Variants in ANKRD36B observed in about 807,000 individuals in gnomAD.
ANKRD36B encodes the protein ankyrin repeat domain-containing protein 36B.
A neutral mutation model predicts 135.7 loss-of-function variants in ANKRD36B; 37 were observed. That is an observed-to-expected ratio of 0.27 (90% CI 0.21 to 0.36). The LOEUF (loss-of-function observed/expected upper bound fraction) is 0.36, where lower values mean the gene tolerates loss of function less well. Ranked by LOEUF, ANKRD36B falls within the 10% of genes least tolerant of loss-of-function variation. ANKRD36B has a pLI of 1.00. For synonymous variants in ANKRD36B, 179 were observed against 348.1 expected (o/e 0.51, Z 5.41); for missense variants, 549 against 1,037.1 (o/e 0.53, Z 6.46).
intron 8 of ANKRD36B, 101 bp from the exon 9 acceptor site, chr2:97,559,095 T>C (rs370908039): frequency 2.7e-6 from 4 of 1,508,378 alleles, no homozygotes; most frequent in Non-Finnish European, 3.6e-6. Context: ...TTCCTGCCTG[T>C]ACTAGTGTAG....
chr2:97,551,586 C>G, intron 16 of ANKRD36B, 106 bp from the exon 17 acceptor site: 1 of 1,552,172 alleles, frequency 6.4e-7, no homozygotes, highest in Non-Finnish European at 8.8e-7. Flanking sequence ...CCTGTATTAG[C>G]GTAGGTTTTG....
Position 97,558,790 on chromosome 2 carries a change from C to A in ANKRD36B, c.967+9G>T, listed in dbSNP as rs1553535406. The A allele has an allele frequency of 1.2e-5, 19 of 1,611,040 alleles. No homozygotes were observed. The highest frequency in any genetic ancestry group is 1.7e-6 in the Non-Finnish European group (2 of 1,178,550). ...TGAACATGACATTAAATGTGTTTTG[C>A]AAAATTACCTGTCCCAGATTGTTGT... On this transcript the variant is annotated intron_variant, in intron 10 of 43. Coordinates refer to ENST00000359901, the MANE Select transcript of ANKRD36B (RefSeq NM_001393939.1).
In ANKRD36B at chr2:97,496,787, T is replaced by TTG. The variant is rs1439074936; in HGVS notation, c.*7-3934_*7-3933dup. 5.0e-4 allele frequency among the ~76,000 whole-genome samples: 40 copies of TTG among 80,172 alleles called. 4 individuals are homozygous for TTG. The highest frequency in any genetic ancestry group is 2.6e-3 in the Admixed American group (26 of 9,928). 52.6% of individuals were successfully genotyped at this position (80,172 alleles called of 152,430 possible). A position where few individuals can be genotyped will look rare whatever the true frequency, so the allele number is the denominator to read the frequency against. On this transcript the variant is annotated intron_variant, in intron 43 of 43. Transcript: ENST00000359901. ...CCAGAAAACGTGTGTGTGTGTGTGT[T>TTG]TGTGTGTGTGTATACGTGTATGTGT...
chr2:97,578,591 A>G (rs577791580), intron 5 of ANKRD36B, among the ~76,000 whole-genome samples: 12 of 152,190 alleles, frequency 7.9e-5, no homozygotes, highest in African/African-American at 2.6e-4. Flanking sequence ...GAAAAATCAA[A>G]GATGTGAAAC....
intron 1 of ANKRD36B, 141 bp from the exon 2 acceptor site, chr2:97,585,539 T>A: frequency 1.5e-6 from 2 of 1,311,206 alleles, no homozygotes; most frequent in Non-Finnish European, 2.1e-6. Context: ...ACCACATTAA[T>A]GAAAGAGCAG....
chr2:97,581,922 C>T (rs1360858844), intron 3 of ANKRD36B, among the ~76,000 whole-genome samples: 1 of 151,628 alleles, frequency 6.6e-6, no homozygotes, highest in East Asian at 1.9e-4. Context: ...AATTCTCCTG[C>T]CTCAGCCTCC....
At chr2:97,494,081 G>C in intron 43 of ANKRD36B, among the ~76,000 whole-genome samples, 1 of 106,934 alleles carries the variant, frequency 9.4e-6, no homozygotes, top group Admixed American at 8.5e-5. Flanking sequence ...CTATTACCCA[G>C]TTCCAAAGCA....
intron 38 of ANKRD36B, 117 bp from the exon 39 acceptor site, chr2:97,512,169 TA>T: frequency 6.7e-7 from 1 of 1,486,122 alleles, no homozygotes. Flanking sequence ...CATAACTGGA[TA>T]TCTAACTGGG....
At position 97,589,785 on chromosome 2, in the gene ANKRD36B, C is replaced by G. The variant is rs1463869203; in HGVS notation, c.-100G>C. The G allele has an allele frequency of 6.3e-7, 1 of 1,577,368 alleles. No individual in the cohort carries two copies. Among genetic ancestry groups the G allele is most frequent in the Non-Finnish European group, 8.7e-7 (1 of 1,154,420 alleles). ...AGCTCGCCTTCGGGGATCGCCGCCT[C>G]CGAAGAGCAACAACAGGCAAAGCAG... On this transcript the variant is annotated 5_prime_UTR_variant, in exon 1 of 44. Transcript: ENST00000359901.
chr2:97,541,030 G>C lies in ANKRD36B; in HGVS notation c.1886-801C>G, dbSNP rs545815403. Reference sequence around the variant, plus strand: ...AATCACTCCAATATTCATTGAAAATGACCACTTTAGGAGTTAATTAGAATT... The same window carrying C: ...AATCACTCCAATATTCATTGAAAATCACCACTTTAGGAGTTAATTAGAATT... On this transcript the variant is annotated intron_variant, in intron 28 of 43. Coordinates refer to ENST00000359901, the MANE Select transcript of ANKRD36B (RefSeq NM_001393939.1). Among the ~76,000 whole-genome samples, 209 of 96,154 alleles carry C rather than the reference G, an allele frequency of 2.2e-3. 62 individuals are homozygous for C. Among genetic ancestry groups the C allele is most frequent in the African/African-American group, 6.2e-3 (199 of 32,330 alleles). The allele number at this position is 96,154 out of a possible 152,430, so 63.1% of individuals were successfully genotyped here.
At chr2:97,528,311 C>A in intron 35 of ANKRD36B, among the ~76,000 whole-genome samples, 1 of 93,782 alleles carries the variant, frequency 1.1e-5, no homozygotes, top group Non-Finnish European at 2.8e-5. Context: ...CTACTGGGTA[C>A]ATAACGAAAT....
chr2:97,564,598 C>A (rs1399358539), intron 6 of ANKRD36B, among the ~76,000 whole-genome samples: 1 of 152,160 alleles, frequency 6.6e-6, no homozygotes, highest in Non-Finnish European at 1.5e-5. Context: ...CTGCATAAGG[C>A]TAGCCAGTTT....
intron 14 of ANKRD36B, among the ~76,000 whole-genome samples, chr2:97,554,743 C>T (rs996068649): frequency 6.6e-6 from 1 of 151,942 alleles, no homozygotes. Flanking sequence ...AACTCATTCT[C>T]CTTCCACCCT....
intron 6 of ANKRD36B, among the ~76,000 whole-genome samples, chr2:97,573,574 T>C (rs1356956663): frequency 1.1e-4 from 17 of 152,148 alleles, no homozygotes; most frequent in Non-Finnish European, 2.4e-4. Context: ...AGAGCCCACA[T>C]CACCAAGTCA....
At chr2:97,565,697 AAAC>A (rs1430096871) in intron 6 of ANKRD36B, among the ~76,000 whole-genome samples, 1 of 152,190 alleles carries the variant, frequency 6.6e-6, no homozygotes, top group African/African-American at 2.4e-5. Flanking sequence ...AAAGGTCAGG[AAAC>A]AACAGATGCT....
chr2:97,548,472 C>A (rs1332426853), intron 20 of ANKRD36B, among the ~76,000 whole-genome samples: 1 of 151,922 alleles, frequency 6.6e-6, no homozygotes, highest in Non-Finnish European at 1.5e-5. Context: ...AAAACTGCTA[C>A]AAGCATTAGA....
rs566293329 is a variant in ANKRD36B, at chr2:97,575,631, T to C, written c.763+748A>G. ...TAGATCAACATGGCCTCTTCACTGATGGTTTTCACAGGAAAAGATCCCTAT... is the reference window on the plus strand; with the variant it reads ...TAGATCAACATGGCCTCTTCACTGACGGTTTTCACAGGAAAAGATCCCTAT... On this transcript the variant is annotated intron_variant, in intron 6 of 43. Coordinates refer to ENST00000359901, the MANE Select transcript of ANKRD36B (RefSeq NM_001393939.1). Among the ~76,000 whole-genome samples, 236 of 102,578 alleles carry C rather than the reference T, an allele frequency of 2.3e-3. 5 individuals are homozygous for C. Among genetic ancestry groups the C allele is most frequent in the Non-Finnish European group, 1.6e-3 (63 of 38,330 alleles). The allele number at this position is 102,578 out of a possible 152,430, so 67.3% of individuals were successfully genotyped here. A position where few individuals can be genotyped will look rare whatever the true frequency, so the allele number is the denominator to read the frequency against.
intron 6 of ANKRD36B, among the ~76,000 whole-genome samples, chr2:97,571,602 C>T (rs10192821): frequency 0.56 from 84,569 of 150,356 alleles, 25,185 homozygotes; most frequent in Non-Finnish European, 0.67. Flanking sequence ...GCCGAGATTG[C>T]GCCACTGCAC....
At chr2:97,560,922 T>A (rs563709052) in intron 6 of ANKRD36B, 62 bp from the exon 7 acceptor site, 40 of 1,317,048 alleles carry the variant, frequency 3.0e-5, no homozygotes, top group African/African-American at 1.3e-4. Flanking sequence ...ATCCATACAT[T>A]AATGCATGGA....
Sources: allele counts gnomAD v4.1 joint callset (sites outside exome capture counted in the v4.1 genomes callset), GRCh38; gene constraint gnomAD v4.1.1; transcripts MANE v1.5; gene names NCBI Gene and HGNC (gene_info 2026-07-23, HGNC 2026-07-21).